The following PLCE1 variants were observed in gnomAD, a reference collection of about 807,000 sequenced individuals.
PLCE1 encodes the protein 1-phosphatidylinositol 4,5-bisphosphate phosphodiesterase epsilon-1.
A neutral mutation model predicts 242.8 loss-of-function variants in PLCE1; 119 were observed. The ratio of observed to expected loss-of-function variants is 0.49; its 90% CI spans 0.42 to 0.57. The LOEUF is 0.57. Ranked by LOEUF, PLCE1 falls within the 20% of genes least tolerant of loss-of-function variation. PLCE1 has a pLI of 0.00. For missense variants in PLCE1, 2,441 were observed against 2,788.8 expected (o/e 0.88, Z 2.81); for synonymous variants, 945 against 1,017.4 (o/e 0.93, Z 1.35).
At chr10:94,010,338 A>G (rs2061145594) in intron 1 of PLCE1, among the ~76,000 whole-genome samples, 1 of 152,158 alleles carries the variant, frequency 6.6e-6, no homozygotes, top group Admixed American at 6.5e-5. Flanking sequence ...TTTCCTCCTT[A>G]GCCTCTGAGC....
In PLCE1 at chr10:94,192,893, G is replaced by T. The variant is rs200367707; in HGVS notation, c.1809+21397G>T. Among the ~76,000 whole-genome samples, 4 of 94,442 alleles carry T rather than the reference G, an allele frequency of 4.2e-5. No individual in the cohort carries two copies. The East Asian group carries it at 9.6e-4, about 23-fold the overall frequency. 62.0% of individuals were successfully genotyped at this position (94,442 alleles called of 152,430 possible). A position where few individuals can be genotyped will look rare whatever the true frequency, so the allele number is the denominator to read the frequency against. The stretch of plus-strand genomic sequence containing the variant: ...CGGCCATCCCATCTGGAACGCACCC[G>T]CTCTCATCTGATCTTGGAAAAACTA... On this transcript the variant is annotated intron_variant, in intron 4 of 32. Coordinates refer to ENST00000371380, the MANE Select transcript of PLCE1 (RefSeq NM_016341.4).
rs544440743 is a variant in PLCE1 at position 94,043,836 on chromosome 10, G to A, written c.1206+11584G>A. On this transcript the variant is annotated intron_variant, in intron 2 of 32. Coordinates refer to ENST00000371380, the MANE Select transcript of PLCE1 (RefSeq NM_016341.4). Reference sequence around the variant, plus strand: ...ACTCTGGCCTGACTAATATTTTTGTGAGGAGAATGCCATTATTATGGTGAC... The same window carrying A: ...ACTCTGGCCTGACTAATATTTTTGTAAGGAGAATGCCATTATTATGGTGAC... 5.3e-5 allele frequency among the ~76,000 whole-genome samples: 8 copies of A among 152,258 alleles called. No homozygotes were observed. In the East Asian group the frequency reaches 1.5e-3, roughly 29 times the overall value.
chr10:94,139,853 C>A (rs1447031949), intron 3 of PLCE1, among the ~76,000 whole-genome samples: 2 of 152,104 alleles, frequency 1.3e-5, no homozygotes, highest in African/African-American at 4.8e-5. Flanking sequence ...TCTGTTCTTT[C>A]CAGGTTCCTA....
chr10:94,154,898 A>G (rs1281680169), intron 3 of PLCE1, among the ~76,000 whole-genome samples: 1 of 146,684 alleles, frequency 6.8e-6, no homozygotes, highest in Non-Finnish European at 1.5e-5. Flanking sequence ...ATATATACAT[A>G]TATATATATA....
chr10:94,214,329 G>T (rs535353837), intron 4 of PLCE1, among the ~76,000 whole-genome samples: 9 of 152,164 alleles, frequency 5.9e-5, no homozygotes, highest in African/African-American at 2.2e-4. Context: ...TCTTCACCCT[G>T]AGGAGAGTGA....
intron 2 of PLCE1, among the ~76,000 whole-genome samples, chr10:94,112,744 G>A (rs1187917877): frequency 6.6e-6 from 1 of 152,156 alleles, no homozygotes; most frequent in Non-Finnish European, 1.5e-5. Flanking sequence ...GAGAACCACT[G>A]CACTAGAATT....
At chr10:94,092,678 A>G (rs1011475816) in intron 2 of PLCE1, among the ~76,000 whole-genome samples, 2 of 151,976 alleles carry the variant, frequency 1.3e-5, no homozygotes, top group African/African-American at 2.4e-5. Flanking sequence ...AGACTTCAAT[A>G]AGGAAGAGAC....
chr10:94,254,187 C>T lies in PLCE1; in HGVS notation c.3280-3C>T, dbSNP rs1032335626. ...GGAACCATCGTGAGCTTTGTGTTCC[C>T]AGGGTGAGAGTGGAGAGGTAACTGA... On this transcript the variant is annotated splice_polypyrimidine_tract_variant and splice_region_variant and intron_variant, in intron 9 of 32. Transcript: ENST00000371380. 1 of 1,603,328 alleles carries T rather than the reference C, an allele frequency of 6.2e-7. No individual in the cohort carries two copies. Among genetic ancestry groups the T allele is most frequent in the Admixed American group, 1.7e-5 (1 of 59,980 alleles).
chr10:94,270,630 G>C, intron 18 of PLCE1, 28 bp downstream of exon 18: 1 of 1,301,142 alleles, frequency 7.7e-7, no homozygotes, highest in Non-Finnish European at 1.1e-6. Flanking sequence ...AGGCAGGATG[G>C]TATGTTGGCC....
At chr10:94,326,934 G>A (rs2054039584) in intron 32 of PLCE1, among the ~76,000 whole-genome samples, 1 of 152,086 alleles carries the variant, frequency 6.6e-6, no homozygotes, top group Non-Finnish European at 1.5e-5. Context: ...GCCAAGGCGG[G>A]CAGATCACGA....
rs2051835683 is a variant in PLCE1, at chr10:94,273,727, C to T, written c.4665+7C>T. On this transcript the variant is annotated splice_region_variant and intron_variant, in intron 19 of 32. Transcript: ENST00000371380. Reference sequence around the variant, plus strand: ...GGATATCTTAAAGCAAAAGGTACTCCCCTCTGTTAAACCAGTTATGAAAAG... The same window carrying T: ...GGATATCTTAAAGCAAAAGGTACTCTCCTCTGTTAAACCAGTTATGAAAAG... 6.2e-7 allele frequency: 1 copy of T among 1,612,794 alleles called. No individual in the cohort carries two copies. Among genetic ancestry groups the T allele is most frequent in the South Asian group, 1.1e-5 (1 of 91,060 alleles).
chr10:94,033,725 T>A (rs2061608826), intron 2 of PLCE1, among the ~76,000 whole-genome samples: 1 of 152,140 alleles, frequency 6.6e-6, no homozygotes, highest in African/African-American at 2.4e-5. Flanking sequence ...CCATGTGCCA[T>A]CTTGGATTTT....
intron 3 of PLCE1, among the ~76,000 whole-genome samples, chr10:94,135,580 C>A (rs1023811843): frequency 1.3e-5 from 2 of 152,188 alleles, no homozygotes; most frequent in South Asian, 2.1e-4. Context: ...AGAACACTTT[C>A]CTGGATAAGC....
chr10:94,126,054 A>G (rs147947141), intron 2 of PLCE1, among the ~76,000 whole-genome samples: 1 of 152,280 alleles, frequency 6.6e-6, no homozygotes, highest in East Asian at 1.9e-4. Flanking sequence ...ACATCCTAGT[A>G]CTGGCTTCTA....
intron 2 of PLCE1, among the ~76,000 whole-genome samples, chr10:94,123,279 A>G (rs1199241259): frequency 1.3e-5 from 2 of 152,134 alleles, no homozygotes; most frequent in Non-Finnish European, 2.9e-5. Flanking sequence ...CAAGTTTTCA[A>G]ATGTCCTGGG....
At chr10:94,261,147 C>T (rs1024330475) in intron 13 of PLCE1, among the ~76,000 whole-genome samples, 1 of 152,026 alleles carries the variant, frequency 6.6e-6, no homozygotes, top group Admixed American at 6.6e-5. Context: ...ATTTTTCCAT[C>T]CCCCCCGCGA....
rs115015243 is a variant in PLCE1 at position 94,181,965 on chromosome 10, G to A, written c.1809+10469G>A. Among the ~76,000 whole-genome samples the A allele has an allele frequency of 9.6e-3, 1,455 of 151,664 alleles. 33 individuals carry two copies. Among genetic ancestry groups the A allele is most frequent in the African/African-American group, 0.032 (1,314 of 41,018 alleles). On this transcript the variant is annotated intron_variant, in intron 4 of 32. Coordinates refer to ENST00000371380, the MANE Select transcript of PLCE1 (RefSeq NM_016341.4). ...AAAAAACATAACTTCACGAGATAAC[G>A]CTGATGCTACCAACACACCAATAGT...
intron 14 of PLCE1, 138 bp downstream of exon 14, chr10:94,262,870 T>G (rs909821640): frequency 5.5e-5 from 42 of 770,572 alleles, no homozygotes; most frequent in African/African-American, 1.6e-4. Context: ...TGTTTTTTTT[T>G]TTGTTTTTTT....
intron 2 of PLCE1, among the ~76,000 whole-genome samples, chr10:94,073,742 G>T (rs1306003310): frequency 1.3e-5 from 2 of 152,126 alleles, no homozygotes; most frequent in Non-Finnish European, 2.9e-5. Flanking sequence ...CCAGAGGTTT[G>T]GTTTAGGTCC....
Sources: gnomAD v4.1 joint callset for allele counts (sites outside exome capture counted in the v4.1 genomes callset) on GRCh38, gnomAD v4.1.1 for gene constraint, MANE v1.5 for transcripts, NCBI Gene and HGNC (gene_info 2026-07-23, HGNC 2026-07-21) for gene names.